MPPED1: variants seen among roughly 807,000 people sequenced by gnomAD.
The protein encoded by MPPED1 is metallophosphoesterase domain-containing protein 1.
A neutral mutation model predicts 36.2 loss-of-function variants in MPPED1; 16 were observed. The observed-to-expected ratio is 0.44, with a 90% confidence interval of 0.30 to 0.67. MPPED1 has a LOEUF of 0.67. MPPED1 is among the 30% of genes least tolerant of loss of function. The pLI is 0.10. For synonymous variants in MPPED1, 199 were observed against 191.3 expected, an observed-to-expected ratio of 1.04 and a Z score of -0.33; for missense variants, 307 against 453.4, an observed-to-expected ratio of 0.68 and a Z score of 2.93.
chr22:43,476,430 A>G (rs942398754), intron 4 of MPPED1, among the ~76,000 whole-genome samples: 1 of 152,118 alleles, frequency 6.6e-6, no homozygotes, highest in Admixed American at 6.5e-5. Flanking sequence ...ACTATCAGGA[A>G]GCAGCACAGT....
intron 5 of MPPED1, among the ~76,000 whole-genome samples, chr22:43,499,740 G>A (rs1351824137): frequency 7.1e-5 from 2 of 28,102 alleles, no homozygotes; most frequent in African/African-American, 2.2e-4. Flanking sequence ...GATGGGGGTG[G>A]TGGTGGTGAT....
chr22:43,489,770 C>T (rs892921461), intron 4 of MPPED1, among the ~76,000 whole-genome samples: 25 of 152,202 alleles, frequency 1.6e-4, no homozygotes, highest in Admixed American at 3.3e-4. Context: ...CCACCCACCT[C>T]GGCCTTCCAA....
chr22:43,482,219 A>C (rs918075028), intron 4 of MPPED1, among the ~76,000 whole-genome samples: 1 of 152,236 alleles, frequency 6.6e-6, no homozygotes, highest in Admixed American at 6.5e-5. Flanking sequence ...TGATTTAAAA[A>C]AAAGAGTGAG....
intron 3 of MPPED1, among the ~76,000 whole-genome samples, chr22:43,442,418 G>C (rs532927879): frequency 1.3e-5 from 2 of 151,996 alleles, no homozygotes; most frequent in East Asian, 3.9e-4. Context: ...CTGCCCCGTG[G>C]CTGCCCCTTC....
intron 3 of MPPED1, among the ~76,000 whole-genome samples, chr22:43,441,584 G>T (rs1360076173): frequency 6.6e-6 from 1 of 152,216 alleles, no homozygotes; most frequent in East Asian, 1.9e-4. Flanking sequence ...ACCCTTAGCA[G>T]ACTCAGGCAG....
intron 3 of MPPED1, among the ~76,000 whole-genome samples, chr22:43,461,039 TC>T (rs1483104539): frequency 6.6e-6 from 1 of 152,208 alleles, no homozygotes; most frequent in Non-Finnish European, 1.5e-5. Flanking sequence ...AGGGCTTTCC[TC>T]ATTGAGCAAG....
At position 43,435,990 on chromosome 22, in the gene MPPED1, G is replaced by T. The variant is rs562415708; in HGVS notation, c.406+775G>T. 6.2e-4 allele frequency among the ~76,000 whole-genome samples: 94 copies of T among 152,350 alleles called. 1 individual carries two copies. The highest frequency in any genetic ancestry group is 2.1e-3 in the African/African-American group (89 of 41,582). On this transcript the variant is annotated intron_variant, in intron 3 of 6. Coordinates refer to ENST00000443721, the MANE Select transcript of MPPED1 (RefSeq NM_001044370.2). ...CTCAGTCACCCACTGCCATGGAGATGGTTTCTCCAGGGGCCAGATGTGAGC... is the reference window on the plus strand; with the variant it reads ...CTCAGTCACCCACTGCCATGGAGATTGTTTCTCCAGGGGCCAGATGTGAGC...
intron 1 of MPPED1, among the ~76,000 whole-genome samples, chr22:43,421,171 CTGTT>C (rs558829027): frequency 4.9e-4 from 74 of 152,386 alleles, no homozygotes; most frequent in African/African-American, 1.6e-3. Flanking sequence ...TAGCTCAAAG[CTGTT>C]TGTTTGGGAG....
rs1932828629 is a variant in MPPED1 at position 43,507,227 on chromosome 22, A to G, written c.*1611A>G. 6.6e-6 allele frequency: 1 copy of G among 152,272 alleles called. No homozygotes were observed. Among genetic ancestry groups the G allele is most frequent in the Admixed American group, 6.5e-5 (1 of 15,288 alleles). The allele number at this position is 152,272 out of a possible 1,614,324, so 9.4% of individuals were successfully genotyped here. On this transcript the variant is annotated 3_prime_UTR_variant, in exon 7 of 7. Transcript: ENST00000443721. ...CCATGACCCGAAGTTATGTCCCTAC[A>G]AAGCAATGCATGGTCCAAGGCTCTT...
At chr22:43,436,282 G>C (rs1929956673) in intron 3 of MPPED1, among the ~76,000 whole-genome samples, 1 of 152,206 alleles carries the variant, frequency 6.6e-6, no homozygotes, top group Non-Finnish European at 1.5e-5. Flanking sequence ...TGGGTGCGGG[G>C]CCGCTCACCT....
At position 43,491,437 on chromosome 22, in the gene MPPED1, T is replaced by G. The variant is rs956673296; in HGVS notation, c.633-6798T>G. Among the ~76,000 whole-genome samples the G allele has an allele frequency of 5.3e-5, 8 of 151,574 alleles. 1 individual carries two copies. The highest frequency in any genetic ancestry group is 5.3e-4 in the Admixed American group (8 of 15,218). On this transcript the variant is annotated intron_variant, in intron 4 of 6. Transcript: ENST00000443721. Reference sequence around the variant, plus strand: ...GAGGTGATGGAGATGATGGTGGTGATAGTGATAGAGGAGGCGGTGGTGGTG... The same window carrying G: ...GAGGTGATGGAGATGATGGTGGTGAGAGTGATAGAGGAGGCGGTGGTGGTG...
intron 1 of MPPED1, 28 bp downstream of exon 1, chr22:43,412,186 C>T (rs1928924232): frequency 1.6e-5 from 16 of 972,406 alleles, no homozygotes; most frequent in Non-Finnish European, 1.8e-5. Context: ...CGGGGCGCGG[C>T]GGGCGCGGGC....
chr22:43,463,065 C>G (rs1569077795), intron 3 of MPPED1, among the ~76,000 whole-genome samples: 1 of 152,080 alleles, frequency 6.6e-6, no homozygotes. Flanking sequence ...GTTTGGAAGG[C>G]ATTTTTCCTT....
intron 3 of MPPED1, among the ~76,000 whole-genome samples, chr22:43,448,577 T>TA (rs1406389347): frequency 2.1e-4 from 21 of 101,194 alleles, no homozygotes; most frequent in African/African-American, 6.7e-4. Context: ...TTTTAAAATC[T>TA]TTTTATTTAT....
chr22:43,413,615 T>C (rs981251542), intron 1 of MPPED1, among the ~76,000 whole-genome samples: 2 of 152,198 alleles, frequency 1.3e-5, no homozygotes, highest in Admixed American at 6.5e-5. Flanking sequence ...CCAGGCGCAG[T>C]CTGCAGGGGC....
At chr22:43,469,862 T>A (rs1931306445) in intron 3 of MPPED1, among the ~76,000 whole-genome samples, 1 of 152,140 alleles carries the variant, frequency 6.6e-6, no homozygotes, top group South Asian at 2.1e-4. Flanking sequence ...CACCCACCCA[T>A]GTATGCATCT....
At chr22:43,470,685 C>T (rs143327424) in intron 3 of MPPED1, among the ~76,000 whole-genome samples, 33 of 152,352 alleles carry the variant, frequency 2.2e-4, no homozygotes, top group African/African-American at 6.5e-4. Context: ...CCATTGTCCT[C>T]TGTAATTGTC....
rs1321289636 is a variant in MPPED1, at chr22:43,447,883, A to ATATATATATAT, written c.406+12669_406+12670insATATATATATT. 2.5e-3 allele frequency among the ~76,000 whole-genome samples: 166 copies of ATATATATATAT among 67,700 alleles called. 1 individual carries two copies. Among genetic ancestry groups the ATATATATATAT allele is most frequent in the South Asian group, 5.3e-3 (11 of 2,060 alleles). 44.4% of individuals were successfully genotyped at this position (67,700 alleles called of 152,430 possible). On this transcript the variant is annotated intron_variant, in intron 3 of 6. Coordinates refer to ENST00000443721, the MANE Select transcript of MPPED1 (RefSeq NM_001044370.2). ...ATTATATATATATATATATATATAT[A>ATATATATATAT]TTTTTTTTTTTTTTAGACAAAGTCT...
At chr22:43,442,171 G>A (rs1930170970) in intron 3 of MPPED1, among the ~76,000 whole-genome samples, 1 of 151,884 alleles carries the variant, frequency 6.6e-6, no homozygotes, top group Non-Finnish European at 1.5e-5. Context: ...TCTACTTGGG[G>A]GTGCGGAAAC....
Sources: allele counts gnomAD v4.1 joint callset (sites outside exome capture counted in the v4.1 genomes callset), GRCh38; gene constraint gnomAD v4.1.1; transcripts MANE v1.5; gene names NCBI Gene and HGNC (gene_info 2026-07-23, HGNC 2026-07-21).